ROBO1: variants seen among roughly 807,000 people sequenced by gnomAD.
ROBO1 encodes the protein roundabout homolog 1.
In ROBO1, 149 loss-of-function variants were observed where a neutral mutation model predicts 195.9. The ratio of observed to expected loss-of-function variants is 0.76; its 90% CI spans 0.67 to 0.87. ROBO1 has a LOEUF of 0.87. ROBO1 is among the 40% of genes least tolerant of loss of function. The probability of loss-of-function intolerance (pLI) is 0.00; values close to 1 mark genes in which losing one functional copy is unlikely to be tolerated. For missense variants in ROBO1, 1,933 were observed against 2,068.3 expected (o/e 0.93, Z 1.27); for synonymous variants, 816 against 733.2 (o/e 1.11, Z -1.82).
intron 2 of ROBO1, among the ~76,000 whole-genome samples, chr3:79,305,564 A>G (rs974589032): frequency 1.3e-5 from 2 of 151,692 alleles, no homozygotes; most frequent in Non-Finnish European, 2.9e-5. Flanking sequence ...TTTAGAAAAT[A>G]TTTTCAGAAG....
intron 3 of ROBO1, among the ~76,000 whole-genome samples, chr3:79,068,450 GT>G (rs1417950991): frequency 6.6e-6 from 1 of 151,740 alleles, no homozygotes; most frequent in Non-Finnish European, 1.5e-5. Context: ...AAATGTGGTT[GT>G]TCAAAGTATC....
chr3:78,661,244 C>T lies in ROBO1; in HGVS notation c.2106G>A (p.Gln702=). 1.9e-6 allele frequency: 3 copies of T among 1,581,550 alleles called. No homozygotes were observed. The highest frequency in any genetic ancestry group is 1.7e-6 in the Non-Finnish European group (2 of 1,160,694). The change falls in exon 16 of 31, where the codon CAG becomes CAA. Residue 702 remains glutamine (Q), a synonymous_variant. Coordinates refer to ENST00000464233, the MANE Select transcript of ROBO1 (RefSeq NM_002941.4). ...AGAGAATTTTATATCCTTGTATATACTGAGACTGTTGATCTACCTATTAAA... is the reference window on the plus strand; with the variant it reads ...AGAGAATTTTATATCCTTGTATATATTGAGACTGTTGATCTACCTATTAAA... ...EVHWTVDQQS[Q]YIQGYKILYR...
At chr3:79,402,609 G>A (rs996133370) in intron 2 of ROBO1, among the ~76,000 whole-genome samples, 2 of 151,904 alleles carry the variant, frequency 1.3e-5, no homozygotes, top group African/African-American at 4.8e-5. Context: ...TTGTGTGAGA[G>A]AACATATTGC....
intron 2 of ROBO1, among the ~76,000 whole-genome samples, chr3:79,574,186 C>A (rs749891331): frequency 6.6e-6 from 1 of 152,028 alleles, no homozygotes; most frequent in Non-Finnish European, 1.5e-5. Context: ...TGATATATCT[C>A]TGAGTCTATC....
At chr3:78,601,466 G>A (rs796224020) in intron 29 of ROBO1, among the ~76,000 whole-genome samples, 18 of 152,260 alleles carry the variant, frequency 1.2e-4, no homozygotes, top group African/African-American at 3.6e-4. Flanking sequence ...CACAGTCCAT[G>A]AGGATGACTG....
chr3:79,601,260 T>C (rs1409654700), intron 1 of ROBO1, among the ~76,000 whole-genome samples: 2 of 151,902 alleles, frequency 1.3e-5, no homozygotes, highest in Non-Finnish European at 2.9e-5. Context: ...TGAAAAACAA[T>C]AGATGGTTTC....
At position 78,686,553 on chromosome 3, in the gene ROBO1, T is replaced by TAA. The variant is rs2081057027; in HGVS notation, c.1171-637_1171-636insTT. On this transcript the variant is annotated intron_variant, in intron 9 of 30. Coordinates refer to ENST00000464233, the MANE Select transcript of ROBO1 (RefSeq NM_002941.4). ...CTGGGTGACAGAGCGAGACTTTGTC[T>TAA]CAAAAAAAAAAAAAAAAATTAACTA... is the stretch of plus-strand genomic sequence containing the variant. 6.0e-5 allele frequency among the ~76,000 whole-genome samples: 4 copies of TAA among 67,190 alleles called. No individual in the cohort carries two copies. In the South Asian group the frequency reaches 1.8e-3, roughly 30 times the overall value. The allele number at this position is 67,190 out of a possible 152,430, so 44.1% of individuals were successfully genotyped here. A position where few individuals can be genotyped will look rare whatever the true frequency, so the allele number is the denominator to read the frequency against.
intron 2 of ROBO1, among the ~76,000 whole-genome samples, chr3:79,365,789 C>T (rs35780955): frequency 2.0e-5 from 3 of 150,412 alleles, no homozygotes; most frequent in Non-Finnish European, 4.4e-5. Flanking sequence ...CCCAGCTACT[C>T]GGGAGGCTGA....
At chr3:79,425,351 C>T (rs1311816644) in intron 2 of ROBO1, among the ~76,000 whole-genome samples, 1 of 151,976 alleles carries the variant, frequency 6.6e-6, no homozygotes, top group Non-Finnish European at 1.5e-5. Flanking sequence ...TAAAAATAAC[C>T]GTAGTTCAGG....
intron 11 of ROBO1, 93 bp downstream of exon 11, chr3:78,670,003 A>T: frequency 1.1e-6 from 1 of 909,400 alleles, no homozygotes; most frequent in Non-Finnish European, 1.7e-6. Flanking sequence ...TTAACACTTC[A>T]TTAATTGCAA....
At chr3:78,685,483 C>G (rs1274193118) in intron 10 of ROBO1, among the ~76,000 whole-genome samples, 1 of 152,128 alleles carries the variant, frequency 6.6e-6, no homozygotes, top group African/African-American at 2.4e-5. Flanking sequence ...AACATAGATA[C>G]AGTCCTATGT....
rs1559885214 is a variant in ROBO1 at position 78,815,975 on chromosome 3, C to T, written c.500-69075G>A. Among the ~76,000 whole-genome samples, 5 of 152,178 alleles carry T rather than the reference C, an allele frequency of 3.3e-5. No homozygotes were observed. The South Asian group carries it at 1.0e-3, about 32-fold the overall frequency. Reference sequence around the variant, plus strand: ...TATCCAGAAGACCTAGCTAAGATAACCGATGAAGGTGGCTACAGTAAGCAA... The same window carrying T: ...TATCCAGAAGACCTAGCTAAGATAATCGATGAAGGTGGCTACAGTAAGCAA... On this transcript the variant is annotated intron_variant, in intron 4 of 30. Transcript: ENST00000464233.
chr3:78,795,604 A>G (rs1409150460), intron 4 of ROBO1, among the ~76,000 whole-genome samples: 1 of 152,286 alleles, frequency 6.6e-6, no homozygotes, highest in East Asian at 1.9e-4. Flanking sequence ...CATGAAGATG[A>G]TTGATAACTT....
intron 20 of ROBO1, 46 bp from the exon 21 acceptor site, chr3:78,646,236 A>G (rs1231717208): frequency 6.5e-7 from 1 of 1,540,838 alleles, no homozygotes; most frequent in South Asian, 1.1e-5. Flanking sequence ...AGACATATTT[A>G]TATATCAAAA....
chr3:79,707,935 A>G lies in ROBO1; in HGVS notation c.-51+59817T>C, dbSNP rs1947823281. ...TTTAAATTTCAAAACTAAGAAGAGT[A>G]TAACATAACTTATATTGGCTCTAAA... is the stretch of plus-strand genomic sequence containing the variant. On this transcript the variant is annotated intron_variant, in intron 1 of 30. Transcript: ENST00000464233. Among the ~76,000 whole-genome samples, 5 of 152,334 alleles carry G rather than the reference A, an allele frequency of 3.3e-5. No individual in the cohort carries two copies. In the South Asian group the frequency reaches 1.0e-3, roughly 32 times the overall value.
intron 2 of ROBO1, among the ~76,000 whole-genome samples, chr3:79,367,326 C>T (rs2036016254): frequency 6.6e-6 from 1 of 152,222 alleles, no homozygotes; most frequent in Admixed American, 6.5e-5. Context: ...TCAGGGGCCA[C>T]CTACAACAAT....
intron 3 of ROBO1, among the ~76,000 whole-genome samples, chr3:79,063,546 C>T (rs567035792): frequency 1.3e-5 from 2 of 148,892 alleles, no homozygotes; most frequent in South Asian, 2.2e-4. Flanking sequence ...CTTCAGTTTA[C>T]CAGTGACCTT....
At chr3:79,495,046 T>A (rs930409776) in intron 2 of ROBO1, among the ~76,000 whole-genome samples, 1 of 152,206 alleles carries the variant, frequency 6.6e-6, no homozygotes, top group African/African-American at 2.4e-5. Context: ...GATAGATAAT[T>A]TGTTTATTGC....
chr3:79,757,510 C>CATATATATATATATATATAT (rs145729181), intron 1 of ROBO1, among the ~76,000 whole-genome samples: 2 of 70,500 alleles, frequency 2.8e-5, no homozygotes, highest in African/African-American at 1.1e-4. Context: ...TCTCTCTCTC[C>CATATATATATATATATATAT]ATATATATAT....
Sources: gnomAD v4.1 joint callset for allele counts (sites outside exome capture counted in the v4.1 genomes callset) on GRCh38, gnomAD v4.1.1 for gene constraint, MANE v1.5 for transcripts, NCBI Gene and HGNC (gene_info 2026-07-23, HGNC 2026-07-21) for gene names.